The following SUGCT variants were observed in gnomAD, a reference collection of about 807,000 sequenced individuals.
The protein encoded by SUGCT is succinyl-CoA:glutarate CoA-transferase.
A neutral mutation model predicts 55.0 loss-of-function variants in SUGCT; 41 were observed. The ratio of observed to expected loss-of-function variants is 0.74; its 90% CI spans 0.58 to 0.97. SUGCT has a LOEUF of 0.97. Ranked by LOEUF, SUGCT falls within the 50% of genes least tolerant of loss-of-function variation. SUGCT has a pLI of 0.00. For synonymous variants in SUGCT, 187 were observed against 200.4 expected (o/e 0.93, Z 0.56); for missense variants, 568 against 547.8 (o/e 1.04, Z -0.37).
chr7:40,339,527 G>A (rs537154341), intron 9 of SUGCT, among the ~76,000 whole-genome samples: 12 of 152,310 alleles, frequency 7.9e-5, no homozygotes, highest in East Asian at 1.9e-4. Context: ...GGCTCCATGG[G>A]CGTGGGACCC....
chr7:40,907,120 TGTGTGTGTGTGTGTGTGTGTGAGAGA>T, the SUGCT span, among the ~76,000 whole-genome samples: 11 of 77,940 alleles, frequency 1.4e-4, no homozygotes, highest in African/African-American at 4.9e-4. Context: ...TGTGTGTGTG[TGTGTGTGTGTGTGTGTGTGTGAGAGA>T]GAGAGAGAGA....
chr7:40,400,350 G>T (rs890312143), intron 9 of SUGCT, among the ~76,000 whole-genome samples: 4 of 152,192 alleles, frequency 2.6e-5, no homozygotes, highest in Admixed American at 6.5e-5. Context: ...CATGGCAACA[G>T]CATCTGCTTC....
the SUGCT span, among the ~76,000 whole-genome samples, chr7:40,986,471 A>G: frequency 6.6e-6 from 1 of 152,196 alleles, no homozygotes; most frequent in African/African-American, 2.4e-5. Flanking sequence ...CAGTAAAACA[A>G]ACAGAGCCAC....
intron 12 of SUGCT, among the ~76,000 whole-genome samples, chr7:40,621,724 T>C (rs1286827983): frequency 6.6e-6 from 1 of 152,204 alleles, no homozygotes; most frequent in Non-Finnish European, 1.5e-5. Context: ...TGATGGAACT[T>C]TCTGGCTTAA....
chr7:40,987,386 T>C, the SUGCT span, among the ~76,000 whole-genome samples: 4 of 152,294 alleles, frequency 2.6e-5, no homozygotes, highest in African/African-American at 9.6e-5. Context: ...GGAATGAAGA[T>C]ATGGATTACA....
intron 12 of SUGCT, among the ~76,000 whole-genome samples, chr7:40,736,287 TA>T (rs1341857340): frequency 7.6e-6 from 1 of 131,762 alleles, no homozygotes; most frequent in South Asian, 2.2e-4. Flanking sequence ...TAATATATTA[TA>T]ATATTTATAT....
At chr7:41,013,504 G>T in the SUGCT span, among the ~76,000 whole-genome samples, 14 of 152,176 alleles carry the variant, frequency 9.2e-5, no homozygotes, top group Non-Finnish European at 1.3e-4. Flanking sequence ...ATTGGCTGAG[G>T]ACATAGACGA....
chr7:40,887,834 A>G, the SUGCT span, among the ~76,000 whole-genome samples: 1 of 152,174 alleles, frequency 6.6e-6, no homozygotes, highest in African/African-American at 2.4e-5. Context: ...CAGTAAAGAC[A>G]CTGAAAAGAA....
At chr7:40,886,218 T>TCATTTTCC in the SUGCT span, among the ~76,000 whole-genome samples, 1 of 152,186 alleles carries the variant, frequency 6.6e-6, no homozygotes, top group Non-Finnish European at 1.5e-5. Flanking sequence ...TTTCTAGGCT[T>TCATTTTCC]CATTTTCCTC....
chr7:40,502,459 T>G (rs1263484766), intron 12 of SUGCT, among the ~76,000 whole-genome samples: 2 of 152,036 alleles, frequency 1.3e-5, no homozygotes. Flanking sequence ...TGATTTAAAT[T>G]GTGTAATGGG....
chr7:40,477,194 A>G (rs999782296), intron 11 of SUGCT, among the ~76,000 whole-genome samples: 1 of 152,202 alleles, frequency 6.6e-6, no homozygotes, highest in African/African-American at 2.4e-5. Flanking sequence ...TTATACATTC[A>G]TATTTATAAA....
At chr7:40,810,813 G>T (rs1791369720) in intron 13 of SUGCT, among the ~76,000 whole-genome samples, 1 of 151,940 alleles carries the variant, frequency 6.6e-6, no homozygotes, top group South Asian at 2.1e-4. Context: ...TTGCTTTTGA[G>T]GACTTAATTA....
At chr7:40,361,931 G>A (rs1798176531) in intron 9 of SUGCT, among the ~76,000 whole-genome samples, 1 of 151,940 alleles carries the variant, frequency 6.6e-6, no homozygotes, top group Non-Finnish European at 1.5e-5. Flanking sequence ...GCTTTAAGCT[G>A]GCCTGGGCCA....
chr7:40,566,974 A>G (rs2151678214), intron 12 of SUGCT, among the ~76,000 whole-genome samples: 1 of 152,362 alleles, frequency 6.6e-6, no homozygotes, highest in Admixed American at 6.5e-5. Flanking sequence ...GTTGCAGGCA[A>G]CTAAAAGCTT....
chr7:40,322,020 T>C (rs1430430207), intron 9 of SUGCT, among the ~76,000 whole-genome samples: 1 of 152,192 alleles, frequency 6.6e-6, no homozygotes. Flanking sequence ...CTGTTCTCCA[T>C]AGAAGTTGTA....
the SUGCT span, among the ~76,000 whole-genome samples, chr7:40,971,701 G>A: frequency 6.6e-6 from 1 of 152,090 alleles, no homozygotes; most frequent in African/African-American, 2.4e-5. Flanking sequence ...TGTTCTAAGA[G>A]GATCATGTCT....
intron 12 of SUGCT, among the ~76,000 whole-genome samples, chr7:40,574,334 A>G (rs980979574): frequency 6.6e-6 from 1 of 152,170 alleles, no homozygotes; most frequent in African/African-American, 2.4e-5. Flanking sequence ...AAACCCCTAC[A>G]TAACTTAAGA....
chr7:40,987,137 C>T, the SUGCT span, among the ~76,000 whole-genome samples: 1 of 152,228 alleles, frequency 6.6e-6, no homozygotes, highest in East Asian at 1.9e-4. Flanking sequence ...GTACATAACC[C>T]AGTAGGACGG....
chr7:40,764,189 G>C (rs1018463563), intron 13 of SUGCT, among the ~76,000 whole-genome samples: 7 of 152,132 alleles, frequency 4.6e-5, no homozygotes, highest in African/African-American at 1.7e-4. Flanking sequence ...TCCCAAATAT[G>C]AGCATGGAAA....
Sources: gnomAD v4.1 joint callset for allele counts (sites outside exome capture counted in the v4.1 genomes callset) on GRCh38, gnomAD v4.1.1 for gene constraint, MANE v1.5 for transcripts, NCBI Gene and HGNC (gene_info 2026-07-23, HGNC 2026-07-21) for gene names.